ASTN2: variants seen among roughly 807,000 people sequenced by gnomAD.
The protein encoded by ASTN2 is astrotactin 2, also known as astrotactin-2.
Under a neutral mutation model 139.8 loss-of-function variants are expected in ASTN2, and 54 were observed. The observed-to-expected ratio is 0.39, with a 90% confidence interval of 0.31 to 0.48. ASTN2 has a LOEUF of 0.48. ASTN2 is among the 20% of genes least tolerant of loss of function. The probability of loss-of-function intolerance (pLI) is 0.95; values close to 1 mark genes in which losing one functional copy is unlikely to be tolerated. For missense variants in ASTN2, 1,565 were observed against 1,725.1 expected, an observed-to-expected ratio of 0.91 and a Z score of 1.64; for synonymous variants, 756 against 719.5, an observed-to-expected ratio of 1.05 and a Z score of -0.81.
rs1171825814 is a variant in ASTN2 at position 116,729,116 on chromosome 9, G to C, written c.2522-20C>G. Reference sequence around the variant, plus strand: ...TATCTCCTGGGAGAGAAAATAAGATGGTCACGTGAGCCCAGAATTAAGACG... The same window carrying C: ...TATCTCCTGGGAGAGAAAATAAGATCGTCACGTGAGCCCAGAATTAAGACG... On this transcript the variant is annotated intron_variant, in intron 14 of 22. Coordinates refer to ENST00000313400, the MANE Select transcript of ASTN2 (RefSeq NM_001365068.1). 6.5e-7 allele frequency: 1 copy of C among 1,543,024 alleles called. No individual in the cohort carries two copies. Among genetic ancestry groups the C allele is most frequent in the Non-Finnish European group, 8.8e-7 (1 of 1,135,956 alleles).
chr9:117,314,691 T>C (rs895645521), intron 1 of ASTN2, among the ~76,000 whole-genome samples: 20 of 146,080 alleles, frequency 1.4e-4, no homozygotes, highest in African/African-American at 4.0e-4. Flanking sequence ...ATAATTTTTA[T>C]GGTATATTTA....
chr9:117,081,322 G>A (rs1027584391), intron 5 of ASTN2, among the ~76,000 whole-genome samples: 17 of 152,120 alleles, frequency 1.1e-4, no homozygotes, highest in African/African-American at 4.1e-4. Flanking sequence ...TTGAGGGAAG[G>A]ACATGTTCTA....
chr9:116,875,735 C>T (rs1833277830), intron 10 of ASTN2, among the ~76,000 whole-genome samples: 1 of 152,156 alleles, frequency 6.6e-6, no homozygotes, highest in South Asian at 2.1e-4. Context: ...TACTAGTTTA[C>T]CATTATAAAA....
chr9:116,963,968 C>T (rs1486497614), intron 10 of ASTN2, among the ~76,000 whole-genome samples: 2 of 152,138 alleles, frequency 1.3e-5, no homozygotes, highest in African/African-American at 4.8e-5. Flanking sequence ...TTCACCCTCA[C>T]CTTGACCCAG....
At chr9:117,297,652 G>T (rs1057321233) in intron 1 of ASTN2, among the ~76,000 whole-genome samples, 1 of 152,202 alleles carries the variant, frequency 6.6e-6, no homozygotes, top group Non-Finnish European at 1.5e-5. Context: ...GCAAGGAATT[G>T]TTACCACCCT....
intron 3 of ASTN2, among the ~76,000 whole-genome samples, chr9:117,149,666 A>G (rs1830283882): frequency 6.6e-6 from 1 of 152,186 alleles, no homozygotes. Context: ...GAGTCCATTC[A>G]TTGCATACAA....
intron 5 of ASTN2, among the ~76,000 whole-genome samples, chr9:117,046,217 T>A (rs1838738616): frequency 6.6e-6 from 1 of 152,106 alleles, no homozygotes; most frequent in Non-Finnish European, 1.5e-5. Flanking sequence ...GCCAGGCTAG[T>A]CTTGAACTCC....
At chr9:117,219,933 G>C (rs1832459918) in intron 2 of ASTN2, among the ~76,000 whole-genome samples, 1 of 152,154 alleles carries the variant, frequency 6.6e-6, no homozygotes, top group African/African-American at 2.4e-5. Context: ...GGGCATACAG[G>C]CCAGCATGAG....
At chr9:117,281,101 G>C (rs1180357297) in intron 2 of ASTN2, among the ~76,000 whole-genome samples, 2 of 152,106 alleles carry the variant, frequency 1.3e-5, no homozygotes, top group African/African-American at 4.8e-5. Flanking sequence ...ATAGCTCAAA[G>C]GATGTTTGTG....
At chr9:117,361,842 A>G (rs1408564548) in intron 1 of ASTN2, among the ~76,000 whole-genome samples, 16 of 152,162 alleles carry the variant, frequency 1.1e-4, no homozygotes, top group Admixed American at 1.0e-3. Flanking sequence ...TGAGGATTTA[A>G]AAATATATAT....
chr9:117,188,490 A>T (rs1005567728), intron 3 of ASTN2, among the ~76,000 whole-genome samples: 3 of 152,062 alleles, frequency 2.0e-5, no homozygotes, highest in Non-Finnish European at 4.4e-5. Flanking sequence ...ACTGGCCTCT[A>T]CTTCAGTATG....
intron 16 of ASTN2, among the ~76,000 whole-genome samples, chr9:116,695,422 G>A (rs1263282152): frequency 6.6e-6 from 1 of 152,178 alleles, no homozygotes; most frequent in Non-Finnish European, 1.5e-5. Context: ...AATTGTGCAT[G>A]TCTGCTGCTA....
chr9:116,448,721 G>A (rs775530415), intron 20 of ASTN2, among the ~76,000 whole-genome samples: 1 of 152,196 alleles, frequency 6.6e-6, no homozygotes, highest in Non-Finnish European at 1.5e-5. Flanking sequence ...TATCTTGTGG[G>A]ATTGTGAGAA....
At chr9:117,297,905 G>C (rs554952701) in intron 1 of ASTN2, among the ~76,000 whole-genome samples, 1 of 152,144 alleles carries the variant, frequency 6.6e-6, no homozygotes, top group East Asian at 1.9e-4. Flanking sequence ...TTGACTAAAC[G>C]CCCAAGAATG....
intron 19 of ASTN2, among the ~76,000 whole-genome samples, chr9:116,595,009 C>T (rs1372806530): frequency 6.6e-6 from 1 of 152,146 alleles, no homozygotes; most frequent in African/African-American, 2.4e-5. Context: ...TGGAAGCCAT[C>T]AAGAGTAGGG....
chr9:117,155,427 G>A (rs564677745), intron 3 of ASTN2, among the ~76,000 whole-genome samples: 1 of 151,970 alleles, frequency 6.6e-6, no homozygotes, highest in Non-Finnish European at 1.5e-5. Flanking sequence ...GGGTGGACGG[G>A]TCTTGAAGAA....
intron 16 of ASTN2, among the ~76,000 whole-genome samples, chr9:116,669,242 T>G (rs1251823078): frequency 6.6e-6 from 1 of 152,188 alleles, no homozygotes; most frequent in Non-Finnish European, 1.5e-5. Context: ...AATCACCCCT[T>G]AATTTGCATG....
At chr9:117,317,896 C>G (rs951664692) in intron 1 of ASTN2, among the ~76,000 whole-genome samples, 1 of 152,170 alleles carries the variant, frequency 6.6e-6, no homozygotes, top group East Asian at 1.9e-4. Context: ...GGCTGTGACC[C>G]AGGACAGAGA....
intron 1 of ASTN2, among the ~76,000 whole-genome samples, chr9:117,373,449 C>G (rs1347086919): frequency 6.6e-6 from 1 of 152,098 alleles, no homozygotes; most frequent in African/African-American, 2.4e-5. Flanking sequence ...TAACAGATAC[C>G]AGTAAACTAT....
Sources: allele counts gnomAD v4.1 joint callset (sites outside exome capture counted in the v4.1 genomes callset), GRCh38; gene constraint gnomAD v4.1.1; transcripts MANE v1.5; gene names NCBI Gene and HGNC (gene_info 2026-07-23, HGNC 2026-07-21).